The following DOCK9 variants were observed in gnomAD, a reference collection of about 807,000 sequenced individuals.
DOCK9 encodes dedicator of cytokinesis 9.
A neutral mutation model predicts 263.3 loss-of-function variants in DOCK9; 89 were observed. That is an observed-to-expected ratio of 0.34 (90% CI 0.28 to 0.40). The LOEUF is 0.40. Among genes scored for constraint, DOCK9 ranks in the 10% least tolerant of loss-of-function variants. DOCK9 has a pLI of 1.00. For missense variants in DOCK9, 2,140 were observed against 2,603.4 expected (o/e 0.82, Z 3.87); for synonymous variants, 976 against 973.1 (o/e 1.00, Z -0.06).
At chr13:98,799,719 C>G (rs1158672433) in intron 50 of DOCK9, among the ~76,000 whole-genome samples, 1 of 152,078 alleles carries the variant, frequency 6.6e-6, no homozygotes, top group African/African-American at 2.4e-5. Flanking sequence ...GACTGCAGAC[C>G]TGGATGTGGA....
chr13:99,008,234 A>ATTTTTTTTT (rs398024127), intron 1 of DOCK9, among the ~76,000 whole-genome samples: 4 of 94,050 alleles, frequency 4.3e-5, no homozygotes, highest in Non-Finnish European at 6.0e-5. Flanking sequence ...ATATATATAT[A>ATTTTTTTTT]TTTTTTTTTT....
intron 15 of DOCK9, among the ~76,000 whole-genome samples, chr13:98,890,328 T>C (rs1165062569): frequency 6.6e-6 from 1 of 151,932 alleles, no homozygotes; most frequent in African/African-American, 2.4e-5. Flanking sequence ...CATCTGGTTT[T>C]TCCAGCAGTT....
intron 3 of DOCK9, among the ~76,000 whole-genome samples, chr13:98,928,287 CAAT>C (rs1320519019): frequency 6.6e-6 from 1 of 152,168 alleles, no homozygotes; most frequent in Non-Finnish European, 1.5e-5. Flanking sequence ...TGGTGAAATT[CAAT>C]AATATTTTGA....
chr13:99,073,360 T>TTCTCTCTCTCCTCTC (rs59116545), intron 1 of DOCK9, among the ~76,000 whole-genome samples: 30,405 of 140,930 alleles, frequency 0.22, 3,697 homozygotes, highest in Middle Eastern at 0.31. Context: ...TCTTCTTCTT[T>TTCTCTCTCTCCTCTC]TCTCTCTCTC....
At chr13:99,021,215 TC>T (rs1886049718) in intron 1 of DOCK9, among the ~76,000 whole-genome samples, 1 of 152,244 alleles carries the variant, frequency 6.6e-6, no homozygotes, top group Admixed American at 6.5e-5. Flanking sequence ...ATGGTTTTCT[TC>T]CCTGATAATG....
Position 98,831,771 on chromosome 13 carries a change from C to T in DOCK9, c.4330G>A (p.Asp1444Asn), listed in dbSNP as rs1457481485. 1.9e-6 allele frequency: 3 copies of T among 1,613,810 alleles called. No individual in the cohort carries two copies. The highest frequency in any genetic ancestry group is 1.1e-5 in the South Asian group (1 of 91,052). ...TTCATGAGAGGATTATGTCCATGGTCGGCCAGGAGCTGGTTCTTAAAACAC... is the reference window on the plus strand; with the variant it reads ...TTCATGAGAGGATTATGTCCATGGTTGGCCAGGAGCTGGTTCTTAAAACAC... The part of the protein sequence containing the change: ...TLAFKNQLLA[D>N]HGHNPLMKKV... Residue 1444 changes from aspartate (D) to asparagine (N), a missense_variant, in exon 40 of 53, where the codon GAC becomes AAC. Asp to Asn is a conservative substitution (Grantham distance 23). Transcript: ENST00000682017.
At chr13:99,032,247 G>A (rs1015111485) in intron 1 of DOCK9, among the ~76,000 whole-genome samples, 1 of 152,134 alleles carries the variant, frequency 6.6e-6, no homozygotes, top group African/African-American at 2.4e-5. Context: ...TAGGCAGGCC[G>A]ATTGTCTAAG....
intron 52 of DOCK9, among the ~76,000 whole-genome samples, chr13:98,795,974 G>C (rs199617714): frequency 6.6e-6 from 1 of 151,998 alleles, no homozygotes; most frequent in Non-Finnish European, 1.5e-5. Flanking sequence ...GGCCAGGCTG[G>C]TCTCGAACTC....
At chr13:98,984,413 T>C (rs1167627728) in intron 1 of DOCK9, among the ~76,000 whole-genome samples, 1 of 152,184 alleles carries the variant, frequency 6.6e-6, no homozygotes, top group Non-Finnish European at 1.5e-5. Flanking sequence ...TCGAATTCAA[T>C]AGTTGTATCT....
chr13:99,004,547 T>C lies in DOCK9; in HGVS notation c.130-48996A>G, dbSNP rs374329510. On this transcript the variant is annotated intron_variant, in intron 1 of 32. Transcript: ENST00000427887. Reference sequence around the variant, plus strand: ...CAGACTCTGCAAAGGCAGAACCTACTCAAGAAGCAGAGAAAACACCTATCA... The same window carrying C: ...CAGACTCTGCAAAGGCAGAACCTACCCAAGAAGCAGAGAAAACACCTATCA... Among the ~76,000 whole-genome samples, 245 of 152,312 alleles carry C rather than the reference T, an allele frequency of 1.6e-3. 9 individuals are homozygous for C. In the South Asian group the frequency reaches 0.048, roughly 30 times the overall value.
At chr13:98,907,024 CAT>C (rs1465630965) in intron 9 of DOCK9, among the ~76,000 whole-genome samples, 3 of 152,186 alleles carry the variant, frequency 2.0e-5, no homozygotes, top group Non-Finnish European at 2.9e-5. Context: ...CAGGGCAAAA[CAT>C]GTGTCTGTGG....
At chr13:98,989,486 G>C (rs1447729463) in intron 1 of DOCK9, among the ~76,000 whole-genome samples, 2 of 152,046 alleles carry the variant, frequency 1.3e-5, no homozygotes, top group Non-Finnish European at 2.9e-5. Flanking sequence ...CTATGCTGCA[G>C]GCTTTTACCC....
chr13:99,000,494 C>T (rs966927410), intron 1 of DOCK9, among the ~76,000 whole-genome samples: 12 of 152,092 alleles, frequency 7.9e-5, no homozygotes, highest in African/African-American at 1.9e-4. Context: ...AGATACAGCA[C>T]GGTAGGACAC....
intron 1 of DOCK9, among the ~76,000 whole-genome samples, chr13:99,062,670 A>G (rs1364203377): frequency 6.6e-6 from 1 of 152,086 alleles, no homozygotes; most frequent in Non-Finnish European, 1.5e-5. Flanking sequence ...CTTTTTGTTC[A>G]CTGCTCGTAA....
intron 45 of DOCK9, 56 bp downstream of exon 45, chr13:98,824,342 C>A: frequency 6.6e-7 from 1 of 1,521,666 alleles, no homozygotes; most frequent in Non-Finnish European, 9.1e-7. Context: ...GCAATGCAAA[C>A]AGCAGGCTCC....
intron 2 of DOCK9, chr13:98,949,721 G>C (rs2057178962): frequency 1.0e-5 from 3 of 287,020 alleles, no homozygotes; most frequent in Non-Finnish European, 2.0e-5. Context: ...TTCTGGGTTG[G>C]GTTCAGCTGG....
chr13:98,950,084 CT>C (rs1595574336), intron 2 of DOCK9: 2 of 470,526 alleles, frequency 4.3e-6, no homozygotes, highest in Non-Finnish European at 7.9e-6. Flanking sequence ...TTTGGGGTGA[CT>C]TTTACAAAGA....
chr13:98,913,014 G>A (rs1476371304), intron 9 of DOCK9, among the ~76,000 whole-genome samples: 1 of 152,162 alleles, frequency 6.6e-6, no homozygotes, highest in Non-Finnish European at 1.5e-5. Flanking sequence ...TCCCAGACTA[G>A]GAGGTGGTTT....
At chr13:98,876,361 C>T (rs919585444) in intron 27 of DOCK9, among the ~76,000 whole-genome samples, 3 of 152,152 alleles carry the variant, frequency 2.0e-5, no homozygotes, top group African/African-American at 7.2e-5. Flanking sequence ...CGTGGTAGCG[C>T]ATGACTGTAA....
Sources: allele counts gnomAD v4.1 joint callset (sites outside exome capture counted in the v4.1 genomes callset), GRCh38; gene constraint gnomAD v4.1.1; transcripts MANE v1.5; gene names NCBI Gene and HGNC (gene_info 2026-07-23, HGNC 2026-07-21).